ANKS1B: variants seen among roughly 807,000 people sequenced by gnomAD.
ANKS1B encodes the protein ankyrin repeat and sterile alpha motif domain-containing protein 1B.
ANKS1B carries 36 observed loss-of-function variants against 148.3 expected under a neutral mutation model. The ratio of observed to expected loss-of-function variants is 0.24; its 90% CI spans 0.19 to 0.32. The LOEUF (loss-of-function observed/expected upper bound fraction) is 0.32, where lower values mean the gene tolerates loss of function less well. Ranked by LOEUF, ANKS1B falls within the 10% of genes least tolerant of loss-of-function variation. The pLI is 1.00. For missense variants in ANKS1B, 1,157 were observed against 1,542.6 expected, an observed-to-expected ratio of 0.75 and a Z score of 4.19; for synonymous variants, 542 against 560.8, an observed-to-expected ratio of 0.97 and a Z score of 0.47.
intron 8 of ANKS1B, among the ~76,000 whole-genome samples, chr12:99,703,549 C>T (rs1360818938): frequency 6.6e-6 from 1 of 151,826 alleles, no homozygotes; most frequent in East Asian, 1.9e-4. Context: ...ATGGTATTTC[C>T]ACCCCTCCCT....
chr12:98,965,597 C>T (rs181889201), intron 17 of ANKS1B, among the ~76,000 whole-genome samples: 9 of 152,166 alleles, frequency 5.9e-5, no homozygotes. Flanking sequence ...TAAGACAATC[C>T]TAAGCCAAAA....
chr12:99,759,387 G>A (rs1346141242), intron 8 of ANKS1B, among the ~76,000 whole-genome samples: 2 of 151,898 alleles, frequency 1.3e-5, no homozygotes, highest in Non-Finnish European at 2.9e-5. Context: ...GCTGTTAGAG[G>A]CTGAATGAAT....
intron 5 of ANKS1B, 56 bp downstream of exon 5, chr12:99,781,966 C>T: frequency 6.9e-7 from 1 of 1,451,474 alleles, no homozygotes; most frequent in South Asian, 1.3e-5. Context: ...TTGTCTATTC[C>T]CAAAATAGAA....
At chr12:99,375,880 C>A (rs1002649125) in intron 12 of ANKS1B, among the ~76,000 whole-genome samples, 1 of 152,176 alleles carries the variant, frequency 6.6e-6, no homozygotes, top group Admixed American at 6.5e-5. Context: ...AGAATACACA[C>A]ACTTCCTCTC....
chr12:99,118,860 C>T (rs181722418), intron 15 of ANKS1B, among the ~76,000 whole-genome samples: 17 of 152,142 alleles, frequency 1.1e-4, no homozygotes, highest in African/African-American at 2.2e-4. Context: ...GCAGGAGTAA[C>T]GAATTTCCTG....
intron 10 of ANKS1B, among the ~76,000 whole-genome samples, chr12:99,484,585 G>A (rs944346836): frequency 6.6e-6 from 1 of 151,768 alleles, no homozygotes; most frequent in Admixed American, 6.6e-5. Context: ...TGGTGTCAGT[G>A]GTAAATTAAA....
chr12:99,652,564 C>T (rs946564348), intron 9 of ANKS1B, among the ~76,000 whole-genome samples: 23 of 151,846 alleles, frequency 1.5e-4, no homozygotes, highest in African/African-American at 4.4e-4. Context: ...AAAAAACACC[C>T]AAAACCTGTA....
At chr12:99,812,888 T>C (rs1602695492) in intron 2 of ANKS1B, among the ~76,000 whole-genome samples, 1 of 151,690 alleles carries the variant, frequency 6.6e-6, no homozygotes, top group African/African-American at 2.4e-5. Flanking sequence ...TTAAGGGGTA[T>C]GTAAAAGAGA....
chr12:98,903,569 A>T (rs2099775037), intron 17 of ANKS1B, among the ~76,000 whole-genome samples: 1 of 152,250 alleles, frequency 6.6e-6, no homozygotes, highest in African/African-American at 2.4e-5. Context: ...CAGCGCAGAG[A>T]AAAGCAGAGC....
chr12:99,276,459 A>T (rs1299971382), intron 12 of ANKS1B, among the ~76,000 whole-genome samples: 1 of 152,208 alleles, frequency 6.6e-6, no homozygotes, highest in Non-Finnish European at 1.5e-5. Flanking sequence ...AAATTTGGAC[A>T]TGCTGAGAGA....
At chr12:99,877,117 G>C (rs1046024391) in intron 1 of ANKS1B, among the ~76,000 whole-genome samples, 2 of 150,438 alleles carry the variant, frequency 1.3e-5, no homozygotes. Flanking sequence ...TCCCCAATAT[G>C]GTTGAAACAT....
intron 8 of ANKS1B, among the ~76,000 whole-genome samples, chr12:99,697,577 T>G (rs2054123355): frequency 6.6e-6 from 1 of 152,110 alleles, no homozygotes; most frequent in Non-Finnish European, 1.5e-5. Flanking sequence ...GCCAAAGTTC[T>G]GGGGGATAAA....
chr12:99,628,028 G>T (rs1383196920), intron 9 of ANKS1B, among the ~76,000 whole-genome samples: 1 of 152,088 alleles, frequency 6.6e-6, no homozygotes, highest in Non-Finnish European at 1.5e-5. Context: ...TTTCATCGTT[G>T]TATCAGCATC....
intron 8 of ANKS1B, among the ~76,000 whole-genome samples, chr12:99,763,664 T>C (rs1267829896): frequency 1.4e-5 from 2 of 147,246 alleles, no homozygotes; most frequent in African/African-American, 5.0e-5. Context: ...AAATAAAAGC[T>C]GGAAAAAAAA....
intron 11 of ANKS1B, among the ~76,000 whole-genome samples, chr12:99,440,032 C>A (rs964284156): frequency 6.6e-6 from 1 of 151,592 alleles, no homozygotes; most frequent in African/African-American, 2.4e-5. Flanking sequence ...AACAGTGATA[C>A]GCACACAGAA....
At chr12:99,011,431 CT>C (rs936171041) in intron 17 of ANKS1B, among the ~76,000 whole-genome samples, 2 of 152,178 alleles carry the variant, frequency 1.3e-5, no homozygotes, top group African/African-American at 4.8e-5. Context: ...TACTCAAACA[CT>C]TGCTAGTTGA....
intron 15 of ANKS1B, among the ~76,000 whole-genome samples, chr12:99,096,557 A>G: frequency 6.6e-6 from 1 of 152,164 alleles, no homozygotes; most frequent in Middle Eastern, 3.2e-3. Context: ...GAGCTCCACT[A>G]AGAAGAGCTC....
chr12:99,941,517 C>T (rs2094918904), intron 1 of ANKS1B, among the ~76,000 whole-genome samples: 2 of 151,920 alleles, frequency 1.3e-5, no homozygotes, highest in South Asian at 4.2e-4. Context: ...ATAGAACAAT[C>T]AGTTAGTTAT....
At chr12:98,756,303 T>C (rs2098240368) in intron 25 of ANKS1B, among the ~76,000 whole-genome samples, 1 of 152,204 alleles carries the variant, frequency 6.6e-6, no homozygotes, top group Admixed American at 6.5e-5. Context: ...AGTTCCCCTG[T>C]ACATGCTCTC....
Sources: allele counts gnomAD v4.1 joint callset (sites outside exome capture counted in the v4.1 genomes callset), GRCh38; gene constraint gnomAD v4.1.1; transcripts MANE v1.5; gene names NCBI Gene and HGNC (gene_info 2026-07-23, HGNC 2026-07-21).